NEGR1: variants seen among roughly 807,000 people sequenced by gnomAD.
NEGR1 encodes neuronal growth regulator 1, also known as IgLON family member 4.
A neutral mutation model predicts 40.9 loss-of-function variants in NEGR1; 10 were observed. That is an observed-to-expected ratio of 0.24 (90% confidence interval 0.15 to 0.42). The LOEUF (loss-of-function observed/expected upper bound fraction) is 0.42, where lower values mean the gene tolerates loss of function less well. Among genes scored for constraint, NEGR1 ranks in the 10% least tolerant of loss-of-function variants. NEGR1 has a pLI of 1.00. For missense variants in NEGR1, 352 were observed against 438.9 expected (o/e 0.80, Z 1.77); for synonymous variants, 185 against 166.8 (o/e 1.11, Z -0.84).
At chr1:71,583,635 C>T (rs1327023105) in intron 6 of NEGR1, among the ~76,000 whole-genome samples, 3 of 152,144 alleles carry the variant, frequency 2.0e-5, no homozygotes, top group African/African-American at 7.2e-5. Context: ...AAACTAAGTG[C>T]TCCCAAGGAG....
At chr1:71,942,477 ATATATATTTTTTTTTTTTT>A (rs1645972844) in intron 1 of NEGR1, among the ~76,000 whole-genome samples, 1 of 14,916 alleles carries the variant, frequency 6.7e-5, no homozygotes, top group African/African-American at 2.2e-4. Flanking sequence ...ATATATATAT[ATATATATTTTTTTTTTTTT>A]TTTTTTTTTT....
At chr1:71,992,405 T>C (rs1448166637) in intron 1 of NEGR1, among the ~76,000 whole-genome samples, 2 of 152,132 alleles carry the variant, frequency 1.3e-5, no homozygotes, top group Non-Finnish European at 2.9e-5. Flanking sequence ...CATAATTACA[T>C]ATCTAGAATG....
rs543525872 is a variant in NEGR1, at chr1:71,897,364, C to T, written c.409+37715G>A. On this transcript the variant is annotated intron_variant, in intron 2 of 6. Transcript: ENST00000357731. ...GATTTAGAATCTAAGGATAGTTCTC[C>T]GATTCCTGCTGTGTAGCTAGTTAGT... Among the ~76,000 whole-genome samples, 16 of 152,162 alleles carry T rather than the reference C, an allele frequency of 1.1e-4. No homozygotes were observed. The South Asian group carries it at 1.9e-3, about 18-fold the overall frequency.
intron 1 of NEGR1, among the ~76,000 whole-genome samples, chr1:72,162,292 A>AAAAAAATAAAAAT (rs71074823): frequency 0.69 from 99,760 of 144,520 alleles, 34,769 homozygotes; most frequent in East Asian, 0.85. Context: ...CCTCTACTAA[A>AAAAAAATAAAAAT]AAAAAATAAA....
chr1:72,180,814 G>A (rs945236923), intron 1 of NEGR1, among the ~76,000 whole-genome samples: 1 of 152,094 alleles, frequency 6.6e-6, no homozygotes, highest in Non-Finnish European at 1.5e-5. Context: ...GAGCCCTAGG[G>A]TTTAAAACTG....
chr1:72,096,574 T>A, intron 1 of NEGR1, among the ~76,000 whole-genome samples: 1 of 152,236 alleles, frequency 6.6e-6, no homozygotes, highest in Middle Eastern at 3.4e-3. Context: ...TACATTTTTA[T>A]AGCTTGACAT....
intron 2 of NEGR1, among the ~76,000 whole-genome samples, chr1:71,888,401 C>T (rs1000838154): frequency 6.6e-6 from 1 of 152,032 alleles, no homozygotes; most frequent in Non-Finnish European, 1.5e-5. Flanking sequence ...ATTGCCTCAC[C>T]TGGGAAGCGC....
chr1:71,883,315 C>T (rs1219775848), intron 2 of NEGR1, among the ~76,000 whole-genome samples: 1 of 152,010 alleles, frequency 6.6e-6, no homozygotes, highest in Non-Finnish European at 1.5e-5. Context: ...GATTGAAATA[C>T]CTGATTTACT....
intron 2 of NEGR1, among the ~76,000 whole-genome samples, chr1:71,807,051 C>T (rs1557659739): frequency 2.6e-5 from 4 of 151,910 alleles, no homozygotes; most frequent in Non-Finnish European, 5.9e-5. Flanking sequence ...TGCCACAATG[C>T]CCGGCTAATT....
chr1:72,030,882 A>G (rs1258643288), intron 1 of NEGR1, among the ~76,000 whole-genome samples: 1 of 152,172 alleles, frequency 6.6e-6, no homozygotes, highest in Non-Finnish European at 1.5e-5. Flanking sequence ...TTGAACTTAC[A>G]CATGGAAAAA....
intron 6 of NEGR1, among the ~76,000 whole-genome samples, chr1:71,410,693 A>G (rs1007080333): frequency 2.6e-5 from 4 of 152,100 alleles, no homozygotes; most frequent in African/African-American, 9.7e-5. Flanking sequence ...TTGTTATGCA[A>G]CCTTATTCCC....
chr1:72,002,932 A>G (rs1333258101), intron 1 of NEGR1, among the ~76,000 whole-genome samples: 1 of 152,204 alleles, frequency 6.6e-6, no homozygotes. Context: ...TAGATAGCAT[A>G]TGAATAAACA....
intron 1 of NEGR1, among the ~76,000 whole-genome samples, chr1:71,937,541 A>G (rs1188106476): frequency 2.6e-5 from 4 of 152,206 alleles, no homozygotes; most frequent in African/African-American, 9.6e-5. Flanking sequence ...GATCACTAGA[A>G]AATAAATGGA....
At position 71,894,928 on chromosome 1, in the gene NEGR1, T is replaced by G. The variant is rs558242481; in HGVS notation, c.409+40151A>C. The stretch of plus-strand genomic sequence containing the variant: ...AGTGAGACTCCATCTCCAAATTTTT[T>G]TTTTTTTAAAAGGAAGGAAAAGAAA... On this transcript the variant is annotated intron_variant, in intron 2 of 6. Coordinates refer to ENST00000357731, the MANE Select transcript of NEGR1 (RefSeq NM_173808.3). Among the ~76,000 whole-genome samples, 3 of 152,190 alleles carry G rather than the reference T, an allele frequency of 2.0e-5. No homozygotes were observed. The South Asian group carries it at 6.2e-4, about 32-fold the overall frequency.
intron 1 of NEGR1, among the ~76,000 whole-genome samples, chr1:72,011,274 C>T (rs1326168249): frequency 6.6e-6 from 1 of 151,960 alleles, no homozygotes; most frequent in East Asian, 1.9e-4. Flanking sequence ...TCATTACCAG[C>T]AAGTGCCTGA....
At chr1:71,409,983 A>T (rs967732143) in intron 6 of NEGR1, among the ~76,000 whole-genome samples, 1 of 152,000 alleles carries the variant, frequency 6.6e-6, no homozygotes. Flanking sequence ...GATATGTATG[A>T]TCCTTTTATT....
At chr1:72,116,490 C>G (rs1429066187) in intron 1 of NEGR1, among the ~76,000 whole-genome samples, 1 of 151,682 alleles carries the variant, frequency 6.6e-6, no homozygotes, top group Non-Finnish European at 1.5e-5. Context: ...CATGATTGAA[C>G]TAATCATTAG....
chr1:71,840,306 C>T (rs1286712483), intron 2 of NEGR1, among the ~76,000 whole-genome samples: 1 of 151,972 alleles, frequency 6.6e-6, no homozygotes, highest in African/African-American at 2.4e-5. Flanking sequence ...TTCAGAATTA[C>T]CACATCATTA....
chr1:71,408,265 C>G (rs1473410033), intron 6 of NEGR1, among the ~76,000 whole-genome samples: 2 of 152,110 alleles, frequency 1.3e-5, no homozygotes, highest in African/African-American at 2.4e-5. Context: ...TTTAGTCTTG[C>G]TGGACCATGA....
Sources: allele counts gnomAD v4.1 joint callset (sites outside exome capture counted in the v4.1 genomes callset), GRCh38; gene constraint gnomAD v4.1.1; transcripts MANE v1.5; gene names NCBI Gene and HGNC (gene_info 2026-07-23, HGNC 2026-07-21).